SLC26A6: variants seen among roughly 807,000 people sequenced by gnomAD.
The protein encoded by SLC26A6 is solute carrier family 26 member 6.
A neutral mutation model predicts 87.1 loss-of-function variants in SLC26A6; 67 were observed. The ratio of observed to expected loss-of-function variants is 0.77; its 90% CI spans 0.63 to 0.94. The LOEUF (loss-of-function observed/expected upper bound fraction) is 0.94. Ranked by LOEUF, SLC26A6 falls within the 40% of genes least tolerant of loss-of-function variation. The pLI is 0.00. For missense variants in SLC26A6, 902 were observed against 973.0 expected, an observed-to-expected ratio of 0.93 and a Z score of 0.97; for synonymous variants, 414 against 405.9, an observed-to-expected ratio of 1.02 and a Z score of -0.24.
At chr3:48,629,065 C>A (rs1463454855) in intron 14 of SLC26A6, among the ~76,000 whole-genome samples, 3 of 152,202 alleles carry the variant, frequency 2.0e-5, no homozygotes, top group Non-Finnish European at 4.4e-5. Flanking sequence ...GCTCCCACCC[C>A]ATTCGGGTCA....
At chr3:48,631,534 A>C (rs1575528804) in intron 7 of SLC26A6, 115 bp downstream of exon 7, 1 of 1,392,298 alleles carries the variant, frequency 7.2e-7, no homozygotes, top group East Asian at 2.5e-5. Flanking sequence ...CACAATACCC[A>C]AGAACCCTCC....
In SLC26A6 at chr3:48,630,587, T is replaced by G; in HGVS notation, c.1248+20A>C. The G allele has an allele frequency of 6.4e-7, 1 of 1,565,976 alleles. No homozygotes were observed. The highest frequency in any genetic ancestry group is 1.2e-5 in the South Asian group (1 of 85,616). Reference sequence around the variant, plus strand: ...AAAGCAATGTGCATGCCCACACCCATGCCCACACCCAAAGCCCACCTGCGA... The same window carrying G: ...AAAGCAATGTGCATGCCCACACCCAGGCCCACACCCAAAGCCCACCTGCGA... On this transcript the variant is annotated intron_variant, in intron 10 of 20. Coordinates refer to ENST00000395550, the MANE Select transcript of SLC26A6 (RefSeq NM_022911.3).
In SLC26A6 at chr3:48,625,866, T is replaced by TTG. The variant is rs2046605501; in HGVS notation, c.*118_*119dup. On this transcript the variant is annotated 3_prime_UTR_variant, in exon 21 of 21. Transcript: ENST00000395550. This position sits in a 1 kb window ranked among gnomAD's most constrained non-coding sequence, Gnocchi z 4.7. ...GAGTCCCAGGACCTCCTTCCCTGAG[T>TTG]TGTGTGTGTGTACATGGAGGGGACT... is the stretch of plus-strand genomic sequence containing the variant. 1 of 1,290,228 alleles carries TTG rather than the reference T, an allele frequency of 7.8e-7. No homozygotes were observed. Among genetic ancestry groups the TTG allele is most frequent in the East Asian group, 2.3e-5 (1 of 42,866 alleles). 79.9% of individuals were successfully genotyped at this position (1,290,228 alleles called of 1,614,324 possible).
At position 48,628,325 on chromosome 3, in the gene SLC26A6, G is replaced by A. The variant is rs2046682219; in HGVS notation, c.1800+109C>T. 7.0e-7 allele frequency: 1 copy of A among 1,434,960 alleles called. No individual in the cohort carries two copies. Among genetic ancestry groups the A allele is most frequent in the South Asian group, 1.3e-5 (1 of 79,224 alleles). The allele number at this position is 1,434,960 out of a possible 1,614,324, so 88.9% of individuals were successfully genotyped here. A position where few individuals can be genotyped will look rare whatever the true frequency, so the allele number is the denominator to read the frequency against. ...GGTCCCTGGGAGCATGAGGGAGAAA[G>A]GGGAAGGGATGAGGAGTGAGGACGA... On this transcript the variant is annotated intron_variant, in intron 16 of 20. Coordinates refer to ENST00000395550, the MANE Select transcript of SLC26A6 (RefSeq NM_022911.3). The surrounding 1 kb of genome is among the most constrained non-coding windows in gnomAD (Gnocchi z 4.4).
chr3:48,628,683 C>G lies in SLC26A6; in HGVS notation c.1631G>C (p.Arg544Pro). ...AKEVRGVKVF[R>P]SSATVYFANA... is the part of the protein sequence containing the mutation. ...GGCAAAGTACACGGTGGCCGAGGAG[C>G]GGAAGACCTTCACCCCCCGGACTTC... The change falls in exon 15 of 21, where the codon CGC (arginine) becomes CCC (proline). Residue 544 changes from arginine (R) to proline (P), a missense_variant. Coordinates refer to ENST00000395550, the MANE Select transcript of SLC26A6 (RefSeq NM_022911.3). This position sits in a 1 kb window ranked among gnomAD's most constrained non-coding sequence, Gnocchi z 4.4. The G allele has an allele frequency of 6.2e-7, 1 of 1,613,440 alleles. No homozygotes were observed. The highest frequency in any genetic ancestry group is 8.5e-7 in the Non-Finnish European group (1 of 1,179,820).
In SLC26A6 at chr3:48,631,319, A is replaced by T; in HGVS notation, c.904-13T>A. On this transcript the variant is annotated splice_polypyrimidine_tract_variant and intron_variant, in intron 7 of 20. Transcript: ENST00000395550. ...TGGCCCCGATGAGCTGTGGGAGAGG[A>T]CAGAGTCAGGGAGGCAGGTGCTGGC... The T allele has an allele frequency of 6.4e-7, 1 of 1,567,658 alleles. No homozygotes were observed.
At position 48,635,461 on chromosome 3, in the gene SLC26A6, C is replaced by T. The variant is rs968147673; in HGVS notation, c.-68G>A. 1.2e-5 allele frequency: 18 copies of T among 1,538,398 alleles called. No individual in the cohort carries two copies. Among genetic ancestry groups the T allele is most frequent in the East Asian group, 2.5e-5 (1 of 40,780 alleles). ...CTAGAGGCCGCTACGCTCCGGAAGG[C>T]GGCGCCGGGACCGGGTGAGGCCAGC... On this transcript the variant is annotated 5_prime_UTR_variant, in exon 1 of 21. Coordinates refer to ENST00000395550, the MANE Select transcript of SLC26A6 (RefSeq NM_022911.3).
Position 48,631,721 on chromosome 3 carries a change from G to A in SLC26A6, c.831C>T (p.Leu277=), listed in dbSNP as rs780507278. 8.7e-6 allele frequency: 14 copies of A among 1,613,190 alleles called. No individual in the cohort carries two copies. The highest frequency in any genetic ancestry group is 1.7e-5 in the Admixed American group (1 of 60,018). ...VVTAAVAGVV[L]VVVKLLNDKL... ...TGTCATTCAACAGCTTCACCACCAC[G>A]AGCACCACCCCAGCCACAGCTGCAG... Residue 277 remains leucine (L), a synonymous_variant, in exon 7 of 21, where the codon CTC becomes CTT. Transcript: ENST00000395550.
Position 48,631,322 on chromosome 3 carries a change from G to A in SLC26A6, c.904-16C>T. ...CCCCGATGAGCTGTGGGAGAGGACA[G>A]AGTCAGGGAGGCAGGTGCTGGCACC... On this transcript the variant is annotated splice_polypyrimidine_tract_variant and intron_variant, in intron 7 of 20. Transcript: ENST00000395550. The A allele has an allele frequency of 6.4e-7, 1 of 1,557,772 alleles. No individual in the cohort carries two copies. Among genetic ancestry groups the A allele is most frequent in the Non-Finnish European group, 8.7e-7 (1 of 1,151,786 alleles).
At position 48,628,877 on chromosome 3, in the gene SLC26A6, G is replaced by A. The variant is rs1476019993; in HGVS notation, c.1600-163C>T. On this transcript the variant is annotated intron_variant, in intron 14 of 20. Transcript: ENST00000395550. The surrounding 1 kb of genome is among the most constrained non-coding windows in gnomAD (Gnocchi z 4.4). ...TCCCAGGGGCTTAGGCCACAAGCCCGACGGTGTCATCCCCATCCCCCCACA... is the reference window on the plus strand; with the variant it reads ...TCCCAGGGGCTTAGGCCACAAGCCCAACGGTGTCATCCCCATCCCCCCACA... Among the ~76,000 whole-genome samples the A allele has an allele frequency of 2.0e-5, 3 of 152,054 alleles. No homozygotes were observed. Among genetic ancestry groups the A allele is most frequent in the Admixed American group, 6.5e-5 (1 of 15,288 alleles).
chr3:48,634,508 G>T (rs997903462), intron 1 of SLC26A6, among the ~76,000 whole-genome samples: 2 of 152,182 alleles, frequency 1.3e-5, no homozygotes, highest in Non-Finnish European at 2.9e-5. Context: ...GAGGGAGAGG[G>T]TTCTCACCTG....
chr3:48,632,215 G>A lies in SLC26A6; in HGVS notation c.585+30C>T, dbSNP rs2276850. 160,820 of 1,569,448 alleles carry A rather than the reference G, an allele frequency of 0.1. 8,511 individuals carry two copies. Among genetic ancestry groups the A allele is most frequent in the African/African-American group, 0.16 (11,530 of 74,236 alleles). On this transcript the variant is annotated intron_variant, in intron 5 of 20. Coordinates refer to ENST00000395550, the MANE Select transcript of SLC26A6 (RefSeq NM_022911.3). ...CAGTGGCGGGAGCAGAAGTGGTGGT[G>A]GGGGGCACATACTCCTGACTGTTCC... is the stretch of plus-strand genomic sequence containing the variant.
At chr3:48,632,762 T>C in intron 4 of SLC26A6, 2 of 678,680 alleles carry the variant, frequency 2.9e-6, no homozygotes, top group South Asian at 3.3e-5. Flanking sequence ...ACTCTCATCT[T>C]CCTGGAGCCA....
At position 48,632,959 on chromosome 3, in the gene SLC26A6, C is replaced by T. The variant is rs2046848135; in HGVS notation, c.433+15G>A. On this transcript the variant is annotated intron_variant, in intron 4 of 20. Coordinates refer to ENST00000395550, the MANE Select transcript of SLC26A6 (RefSeq NM_022911.3). Reference sequence around the variant, plus strand: ...GTGGGCATCCTCCTGGAAGGCTAGGCCTGCCTCCACTTACCCACGGAGATG... The same window carrying T: ...GTGGGCATCCTCCTGGAAGGCTAGGTCTGCCTCCACTTACCCACGGAGATG... The T allele has an allele frequency of 1.2e-6, 2 of 1,609,430 alleles. No homozygotes were observed. The highest frequency in any genetic ancestry group is 1.3e-5 in the African/African-American group (1 of 75,006).
intron 4 of SLC26A6, chr3:48,632,604 A>G: frequency 1.4e-6 from 1 of 737,586 alleles, no homozygotes; most frequent in Non-Finnish European, 2.4e-6. Flanking sequence ...ATGGCTAGAA[A>G]TGCTGGCCCT....
In SLC26A6 at chr3:48,632,409, C is replaced by T. The variant is rs368517040; in HGVS notation, c.434-13G>A. The T allele has an allele frequency of 6.6e-5, 106 of 1,598,664 alleles. No homozygotes were observed. In the Middle Eastern group the frequency reaches 6.6e-4, roughly 10 times the overall value. On this transcript the variant is annotated splice_polypyrimidine_tract_variant and intron_variant, in intron 4 of 20. Coordinates refer to ENST00000395550, the MANE Select transcript of SLC26A6 (RefSeq NM_022911.3). ...ACAGCAAAGGTCCCTGTAAGGACGGCACGGGGCAGGTCTGAAGAGGAGAGG... is the reference window on the plus strand; with the variant it reads ...ACAGCAAAGGTCCCTGTAAGGACGGTACGGGGCAGGTCTGAAGAGGAGAGG...
chr3:48,633,177 G>A, intron 3 of SLC26A6, 74 bp downstream of exon 3: 9 of 1,588,916 alleles, frequency 5.7e-6, no homozygotes, highest in Non-Finnish European at 7.7e-6. Context: ...TAGTTCCAAG[G>A]TAGAGGTCAT....
At position 48,626,679 on chromosome 3, in the gene SLC26A6, G is replaced by A; in HGVS notation, c.2080C>T (p.His694Tyr). The change falls in exon 19 of 21, where the codon CAT (histidine) becomes TAT (tyrosine). Residue 694 changes from histidine to tyrosine, a missense_variant. Around this residue, in one of 3 missense-constraint regions of SLC26A6, gnomAD observed 99 missense variants for 100.1 expected, o/e 0.99. Transcript: ENST00000395550. Reference sequence around the variant, plus strand: ...TCCACCTCAATCTCCCGGAAGTCATGGAAAATCTGTAGCGGAAAAGGGGGC... The same window carrying A: ...TCCACCTCAATCTCCCGGAAGTCATAGAAAATCTGTAGCGGAAAAGGGGGC... ...VCLKSLKNIF[H>Y]DFREIEVEVY... 2 of 1,614,144 alleles carry A rather than the reference G, an allele frequency of 1.2e-6. No individual in the cohort carries two copies. Among genetic ancestry groups the A allele is most frequent in the South Asian group, 1.1e-5 (1 of 91,082 alleles).
chr3:48,633,065 C>T lies in SLC26A6; in HGVS notation c.342G>A (p.Leu114=). 2 of 1,613,018 alleles carry T rather than the reference C, an allele frequency of 1.2e-6. No homozygotes were observed. Among genetic ancestry groups the T allele is most frequent in the Non-Finnish European group, 1.7e-6 (2 of 1,179,630 alleles). The part of the protein sequence containing the change: ...QLPQGLAYAL[L]AGLPPVFGLY... The stretch of plus-strand genomic sequence containing the variant: ...GGCCAAACACGGGGGGCAATCCAGC[C>T]AGGAGGGCGTAGGCCAAGCCTAGGG... Residue 114 remains leucine (L), a synonymous_variant, in exon 4 of 21, where the codon CTG becomes CTA. Transcript: ENST00000395550.
Sources: gnomAD v4.1 joint callset for allele counts (sites outside exome capture counted in the v4.1 genomes callset) on GRCh38, gnomAD v4.1.1 for gene constraint, gnomAD v4.1.1 regional missense constraint, Gnocchi (gnomAD v3.1) non-coding constraint, MANE v1.5 for transcripts, NCBI Gene and HGNC (gene_info 2026-07-23, HGNC 2026-07-21) for gene names.